The following PCDHGA11 variants were observed in gnomAD, a reference collection of about 807,000 sequenced individuals.
PCDHGA11 encodes protocadherin gamma-A11.
Under a neutral mutation model 60.4 loss-of-function variants are expected in PCDHGA11, and 39 were observed. The ratio of observed to expected loss-of-function variants is 0.65; its 90% confidence interval spans 0.50 to 0.84. PCDHGA11 has a LOEUF of 0.84. Among genes scored for constraint, PCDHGA11 ranks in the 40% least tolerant of loss-of-function variants. The pLI is 0.00. For synonymous variants in PCDHGA11, 533 were observed against 510.3 expected, an observed-to-expected ratio of 1.04 and a Z score of -0.60; for missense variants, 1,165 against 1,197.7, an observed-to-expected ratio of 0.97 and a Z score of 0.40.
intron 2 of PCDHGA11, among the ~76,000 whole-genome samples, chr5:141,495,389 C>T (rs966648925): frequency 2.0e-5 from 3 of 152,204 alleles, no homozygotes; most frequent in African/African-American, 7.2e-5. Context: ...CTGGGCGGGG[C>T]ATGGAGCAGG....
At chr5:141,430,979 C>A (rs370494413) in intron 1 of PCDHGA11, 2 of 1,613,642 alleles carry the variant, frequency 1.2e-6, no homozygotes, top group Non-Finnish European at 1.7e-6. Context: ...TAGGACGCAG[C>A]TTTTCGCCCT....
intron 1 of PCDHGA11, among the ~76,000 whole-genome samples, chr5:141,447,104 A>G (rs1212797996): frequency 2.0e-5 from 3 of 151,958 alleles, no homozygotes; most frequent in African/African-American, 7.3e-5. Flanking sequence ...TCACATGATT[A>G]TATGTGCTCC....
Position 141,486,335 on chromosome 5 carries a change from C to T in PCDHGA11, c.2434-8472C>T, listed in dbSNP as rs762408704. ...AGGGTCAAACGGAGATGTGAGCCTC[C>T]GCATTCCTGACCACTTGCCATTTGC... On this transcript the variant is annotated intron_variant, in intron 1 of 3. Transcript: ENST00000398587. The surrounding 1 kb of genome is among the most constrained non-coding windows in gnomAD (Gnocchi z 5.0). 6.2e-6 allele frequency: 10 copies of T among 1,613,936 alleles called. No individual in the cohort carries two copies. Among genetic ancestry groups the T allele is most frequent in the Middle Eastern group, 1.6e-4 (1 of 6,082 alleles).
At position 141,494,826 on chromosome 5, in the gene PCDHGA11, A is replaced by C; in HGVS notation, c.2453A>C (p.Asp818Ala). The change falls in exon 2 of 4, where the codon GAC becomes GCC. Residue 818 changes from aspartate to alanine, a missense_variant. Asp to Ala is a moderately radical substitution (Grantham distance 126, BLOSUM62 -2). Transcript: ENST00000398587. The part of the protein sequence containing the change: ...TSNQQAPPNT[D>A]WRFSQAQRPG... ...CCACAGCAAGCCCCGCCCAACACGGACTGGCGTTTCTCTCAGGCCCAGAGA... is the reference window on the plus strand; with the variant it reads ...CCACAGCAAGCCCCGCCCAACACGGCCTGGCGTTTCTCTCAGGCCCAGAGA... 4 of 1,613,960 alleles carry C rather than the reference A, an allele frequency of 2.5e-6. No individual in the cohort carries two copies. Among genetic ancestry groups the C allele is most frequent in the Non-Finnish European group, 3.4e-6 (4 of 1,179,976 alleles).
At chr5:141,507,557 C>T (rs959957585) in intron 3 of PCDHGA11, among the ~76,000 whole-genome samples, 5 of 152,250 alleles carry the variant, frequency 3.3e-5, no homozygotes, top group Middle Eastern at 3.4e-3. Flanking sequence ...AAGTGGCAGG[C>T]GGCTGGGTCT....
rs754599902 is a variant in PCDHGA11 at position 141,422,002 on chromosome 5, G to A, written c.775G>A (p.Gly259Arg). 41 of 1,609,306 alleles carry A rather than the reference G, an allele frequency of 2.5e-5. No individual in the cohort carries two copies. Among genetic ancestry groups the A allele is most frequent in the Non-Finnish European group, 3.1e-5 (37 of 1,177,974 alleles). ...GAGTGTTCCAGAAAACATCAGCTCC[G>A]GAACTCGGGTGCTGATGGTTAATGC... ...RVSVPENISS[G>R]TRVLMVNATD... Residue 259 changes from glycine to arginine, a missense_variant, in exon 1 of 4, where the codon GGA becomes AGA. Coordinates refer to ENST00000398587, the MANE Select transcript of PCDHGA11 (RefSeq NM_018914.3).
chr5:141,489,334 C>T lies in PCDHGA11; in HGVS notation c.2434-5473C>T, dbSNP rs768635851. On this transcript the variant is annotated intron_variant, in intron 1 of 3. Transcript: ENST00000398587. This position sits in a 1 kb window ranked among gnomAD's most constrained non-coding sequence, Gnocchi z 4.5. ...CTGGGGCTGGGTGTCTGGGCAGCTTCGTTACTCAGTGGTGGAGGAGTCTGA... is the reference window on the plus strand; with the variant it reads ...CTGGGGCTGGGTGTCTGGGCAGCTTTGTTACTCAGTGGTGGAGGAGTCTGA... The T allele has an allele frequency of 3.7e-6, 6 of 1,606,732 alleles. No individual in the cohort carries two copies. The highest frequency in any genetic ancestry group is 1.1e-5 in the South Asian group (1 of 90,048).
intron 1 of PCDHGA11, among the ~76,000 whole-genome samples, chr5:141,462,678 T>G (rs923728894): frequency 1.3e-5 from 2 of 152,210 alleles, no homozygotes; most frequent in South Asian, 4.1e-4. Flanking sequence ...TTCTTTAAAT[T>G]TTTGAGCACA....
In PCDHGA11 at chr5:141,432,908, C is replaced by T. The variant is rs757934634; in HGVS notation, c.2433+9248C>T. On this transcript the variant is annotated intron_variant, in intron 1 of 3. Transcript: ENST00000398587. This position sits in a 1 kb window ranked among gnomAD's most constrained non-coding sequence, Gnocchi z 6.0. Reference sequence around the variant, plus strand: ...CATCTTGCTGCTGGCGCTCAGGCTGCGGCGCTGGCACAAGTCACGCCTGCT... The same window carrying T: ...CATCTTGCTGCTGGCGCTCAGGCTGTGGCGCTGGCACAAGTCACGCCTGCT... 3.7e-5 allele frequency: 60 copies of T among 1,614,050 alleles called. No individual in the cohort carries two copies. Among genetic ancestry groups the T allele is most frequent in the Middle Eastern group, 3.3e-4 (2 of 6,082 alleles).
At chr5:141,466,095 C>T (rs1170423552) in intron 1 of PCDHGA11, among the ~76,000 whole-genome samples, 1 of 152,038 alleles carries the variant, frequency 6.6e-6, no homozygotes, top group African/African-American at 2.4e-5. Flanking sequence ...GCACTCCAGC[C>T]TGGGCAACAG....
intron 1 of PCDHGA11, 97 bp from the exon 2 acceptor site, chr5:141,494,710 C>G: frequency 6.2e-7 from 1 of 1,600,966 alleles, no homozygotes; most frequent in Admixed American, 1.7e-5. Context: ...TCTCTGTGCC[C>G]ACTCCCCTCC....
At position 141,487,666 on chromosome 5, in the gene PCDHGA11, C is replaced by T. The variant is rs2099657736; in HGVS notation, c.2434-7141C>T. 1 of 1,612,838 alleles carries T rather than the reference C, an allele frequency of 6.2e-7. No homozygotes were observed. Among genetic ancestry groups the T allele is most frequent in the South Asian group, 1.1e-5 (1 of 90,712 alleles). Reference sequence around the variant, plus strand: ...TGCTTGAGGGTTATTCTGATCCAGGCATATGGCTAGGCCATGTCCTAGAGA... The same window carrying T: ...TGCTTGAGGGTTATTCTGATCCAGGTATATGGCTAGGCCATGTCCTAGAGA... On this transcript the variant is annotated intron_variant, in intron 1 of 3. Coordinates refer to ENST00000398587, the MANE Select transcript of PCDHGA11 (RefSeq NM_018914.3). This position sits in a 1 kb window ranked among gnomAD's most constrained non-coding sequence, Gnocchi z 5.0.
rs533830391 is a variant in PCDHGA11, at chr5:141,492,559, C to T, written c.2434-2248C>T. 4.6e-5 allele frequency among the ~76,000 whole-genome samples: 7 copies of T among 152,292 alleles called. No homozygotes were observed. The East Asian group carries it at 1.4e-3, about 29-fold the overall frequency. The stretch of plus-strand genomic sequence containing the variant: ...GGGCTGGGCCGGGTCGCCTGGGGGG[C>T]GGCCTGAGCGAGGCGCGGGGCCAGG... On this transcript the variant is annotated intron_variant, in intron 1 of 3. Coordinates refer to ENST00000398587, the MANE Select transcript of PCDHGA11 (RefSeq NM_018914.3).
rs925541311 is a variant in PCDHGA11 at position 141,431,452 on chromosome 5, G to C, written c.2433+7792G>C. 11 of 1,613,630 alleles carry C rather than the reference G, an allele frequency of 6.8e-6. No individual in the cohort carries two copies. The highest frequency in any genetic ancestry group is 9.3e-6 in the Non-Finnish European group (11 of 1,179,982). On this transcript the variant is annotated intron_variant, in intron 1 of 3. Transcript: ENST00000398587. The surrounding 1 kb of genome is among the most constrained non-coding windows in gnomAD (Gnocchi z 4.8). ...CAGGCACCGCGCGCATCCGCGTGAT[G>C]GTTCTGGATGCGAACGACAACGCAC...
At position 141,485,342 on chromosome 5, in the gene PCDHGA11, G is replaced by A; in HGVS notation, c.2434-9465G>A. On this transcript the variant is annotated intron_variant, in intron 1 of 3. Coordinates refer to ENST00000398587, the MANE Select transcript of PCDHGA11 (RefSeq NM_018914.3). The surrounding 1 kb of genome is among the most constrained non-coding windows in gnomAD (Gnocchi z 5.7). ...CGCTCAAGATTTCCTGCTGGATACG[G>A]ACAGTCTGTCAGCTCGCAGGCTGCA... 1 of 1,614,164 alleles carries A rather than the reference G, an allele frequency of 6.2e-7. No homozygotes were observed. The highest frequency in any genetic ancestry group is 8.5e-7 in the Non-Finnish European group (1 of 1,180,026).
chr5:141,461,347 G>C (rs2154567331), intron 1 of PCDHGA11, among the ~76,000 whole-genome samples: 1 of 152,242 alleles, frequency 6.6e-6, no homozygotes, highest in Admixed American at 6.5e-5. Flanking sequence ...GGACCAAGGT[G>C]GTAGCTCGTT....
chr5:141,489,971 C>A lies in PCDHGA11; in HGVS notation c.2434-4836C>A, dbSNP rs1254025468. 1 of 1,614,060 alleles carries A rather than the reference C, an allele frequency of 6.2e-7. No homozygotes were observed. The highest frequency in any genetic ancestry group is 1.3e-5 in the African/African-American group (1 of 74,944). Reference sequence around the variant, plus strand: ...AATGATAATGCTCCAACCTTCCAATCCTCAGTTCTACGTGTGGGAATCCCA... The same window carrying A: ...AATGATAATGCTCCAACCTTCCAATACTCAGTTCTACGTGTGGGAATCCCA... On this transcript the variant is annotated intron_variant, in intron 1 of 3. Transcript: ENST00000398587. The surrounding 1 kb of genome is among the most constrained non-coding windows in gnomAD (Gnocchi z 4.5).
chr5:141,428,773 T>C (rs1036838681), intron 1 of PCDHGA11: 1 of 154,174 alleles, frequency 6.5e-6, no homozygotes, highest in Admixed American at 6.4e-5. Context: ...CCACTCTTAA[T>C]ATTTCCTGTT....
In PCDHGA11 at chr5:141,487,519, T is replaced by C. The variant is rs1288070159; in HGVS notation, c.2434-7288T>C. The C allele has an allele frequency of 6.2e-7, 1 of 1,614,046 alleles. No individual in the cohort carries two copies. ...CCTTGGCTTCTGCACCCACTCGGAG[T>C]GATAGCTTCATGATGGTGAAGTCAC... On this transcript the variant is annotated intron_variant, in intron 1 of 3. Transcript: ENST00000398587. The surrounding 1 kb of genome is among the most constrained non-coding windows in gnomAD (Gnocchi z 5.0).
Sources: allele counts gnomAD v4.1 joint callset (sites outside exome capture counted in the v4.1 genomes callset), GRCh38; gene constraint gnomAD v4.1.1; non-coding constraint Gnocchi (gnomAD v3.1); transcripts MANE v1.5; gene names NCBI Gene and HGNC (gene_info 2026-07-23, HGNC 2026-07-21).